Variants in SHLD2 observed in about 807,000 individuals in gnomAD.
SHLD2 encodes the protein shieldin complex subunit 2.
Under a neutral mutation model 73.2 loss-of-function variants are expected in SHLD2, and 30 were observed. The observed-to-expected ratio is 0.41, with a 90% confidence interval of 0.31 to 0.56. The LOEUF (loss-of-function observed/expected upper bound fraction) is 0.56. SHLD2 is among the 20% of genes least tolerant of loss of function. The pLI is 0.28. For synonymous variants in SHLD2, 285 were observed against 370.1 expected (o/e 0.77, Z 2.64); for missense variants, 745 against 1,055.9 (o/e 0.71, Z 4.08).
intron 2 of SHLD2, among the ~76,000 whole-genome samples, chr10:87,136,480 G>A (rs1456158803): frequency 6.6e-6 from 1 of 151,294 alleles, no homozygotes; most frequent in Non-Finnish European, 1.5e-5. Flanking sequence ...TGCTACTGGG[G>A]TGTTGTTGCT....
At chr10:87,112,836 A>G (rs1157422139) in intron 2 of SHLD2, among the ~76,000 whole-genome samples, 3 of 152,154 alleles carry the variant, frequency 2.0e-5, no homozygotes, top group Admixed American at 6.5e-5. Flanking sequence ...ACTATGGGAA[A>G]CAGTCTGGCA....
At chr10:87,094,527 C>T (rs1841664526), upstream of SHLD2, 4 of 1,612,898 alleles carry the variant, frequency 2.5e-6, no homozygotes, top group Non-Finnish European at 3.4e-6. This position sits in a 1 kb window ranked among gnomAD's most constrained non-coding sequence, Gnocchi z 6.6. Context: ...GCTTGTCCTC[C>T]ACGATGCTGG....
chr10:87,096,763 T>C (rs2133901509), intron 1 of SHLD2, among the ~76,000 whole-genome samples, 171 bp from the exon 2 acceptor site: 1 of 152,318 alleles, frequency 6.6e-6, no homozygotes, highest in East Asian at 1.9e-4. Flanking sequence ...AAGTTCTTAG[T>C]TCTCGAAATA....
At chr10:87,190,101 C>T (rs1848952057) in intron 9 of SHLD2, among the ~76,000 whole-genome samples, 1 of 152,194 alleles carries the variant, frequency 6.6e-6, no homozygotes. Context: ...CTCTGTTGCC[C>T]AGGCTGGAGT....
chr10:87,096,405 T>C (rs1396405018), intron 1 of SHLD2, among the ~76,000 whole-genome samples: 5 of 152,156 alleles, frequency 3.3e-5, no homozygotes, highest in Non-Finnish European at 1.5e-5. Context: ...TTATACATAC[T>C]TGATAGGAAA....
At chr10:87,180,405 A>G (rs966856216) in intron 8 of SHLD2, 102 bp downstream of exon 8, 1 of 1,443,952 alleles carries the variant, frequency 6.9e-7, no homozygotes, top group African/African-American at 1.4e-5. Flanking sequence ...AACTAGAGCT[A>G]GTCGAAGAGA....
intron 2 of SHLD2, among the ~76,000 whole-genome samples, chr10:87,141,513 C>A (rs1439855360): frequency 1.3e-5 from 2 of 151,922 alleles, no homozygotes; most frequent in Non-Finnish European, 1.5e-5. Context: ...AGCTAATTTT[C>A]ATATTTTTAG....
At chr10:87,165,015 C>T (rs530885824) in intron 4 of SHLD2, among the ~76,000 whole-genome samples, 4 of 152,018 alleles carry the variant, frequency 2.6e-5, no homozygotes, top group East Asian at 3.9e-4. Context: ...GGCAAAACCC[C>T]GTCTCTACAA....
rs375240689 is a variant in SHLD2 at position 87,136,541 on chromosome 10, C to T, written c.-5-14809C>T. On this transcript the variant is annotated intron_variant, in intron 2 of 9. Transcript: ENST00000298786. ...CAGAAAATGTATGTATTTATACTAC[C>T]CTGTATATATCCACATATCTATAAA... Among the ~76,000 whole-genome samples the T allele has an allele frequency of 9.2e-5, 14 of 151,552 alleles. No homozygotes were observed. In the East Asian group the frequency reaches 1.4e-3, roughly 15 times the overall value.
At chr10:87,184,313 C>A (rs1490909591) in intron 8 of SHLD2, among the ~76,000 whole-genome samples, 1 of 152,006 alleles carries the variant, frequency 6.6e-6, no homozygotes, top group East Asian at 1.9e-4. Context: ...CAGTGTATCT[C>A]AGCAGGGGCA....
chr10:87,132,642 T>C (rs1045321165), intron 2 of SHLD2, among the ~76,000 whole-genome samples: 2 of 151,914 alleles, frequency 1.3e-5, no homozygotes, highest in Admixed American at 1.3e-4. Context: ...GGCTTGGTGG[T>C]GCGTGCCTGT....
chr10:87,130,670 G>T (rs1056821174), intron 2 of SHLD2, among the ~76,000 whole-genome samples: 1 of 152,186 alleles, frequency 6.6e-6, no homozygotes, highest in South Asian at 2.1e-4. Flanking sequence ...TTCTGTGGAC[G>T]AAGGTTGGTT....
At position 87,104,067 on chromosome 10, in the gene SHLD2, CTACAAAAA is replaced by C. The variant is rs1470761653; in HGVS notation, c.-6+7088_-6+7095del. On this transcript the variant is annotated intron_variant, in intron 2 of 9. Transcript: ENST00000298786. The stretch of plus-strand genomic sequence containing the variant: ...TGGCCAACATGGTGAAACCCCGTCT[CTACAAAAA>C]TACAAAAATCAGCCGGGCATGATGG... Among the ~76,000 whole-genome samples, 3 of 150,334 alleles carry C rather than the reference CTACAAAAA, an allele frequency of 2.0e-5. No individual in the cohort carries two copies. The Admixed American group carries it at 2.0e-4, about 10-fold the overall frequency.
chr10:87,095,293 A>C (rs1589396548), intron 1 of SHLD2, 45 bp downstream of exon 1: 1 of 111,582 alleles, frequency 9.0e-6, no homozygotes, highest in Non-Finnish European at 1.9e-5. Flanking sequence ...GGGGTAGCCC[A>C]GGGAGGTCGG....
At chr10:87,104,694 T>C (rs1440674785) in intron 2 of SHLD2, among the ~76,000 whole-genome samples, 1 of 151,786 alleles carries the variant, frequency 6.6e-6, no homozygotes, top group Non-Finnish European at 1.5e-5. Context: ...GGAGTCTTGC[T>C]CTGTCGCCCA....
intron 4 of SHLD2, among the ~76,000 whole-genome samples, chr10:87,160,043 A>G (rs887011134): frequency 6.6e-6 from 1 of 152,190 alleles, no homozygotes; most frequent in Non-Finnish European, 1.5e-5. Context: ...TTGCAAAAAT[A>G]ATACATAAAG....
chr10:87,152,834 T>G lies in SHLD2; in HGVS notation c.1480T>G (p.Phe494Val), dbSNP rs749099758. The G allele has an allele frequency of 6.2e-7, 1 of 1,611,824 alleles. No homozygotes were observed. The highest frequency in any genetic ancestry group is 1.1e-5 in the South Asian group (1 of 90,960). The change falls in exon 3 of 10, where the codon TTT (phenylalanine) becomes GTT (valine). Residue 494 changes from phenylalanine to valine, a missense_variant. Transcript: ENST00000298786. ...KKVFLWRTAA[F>V]WAFTVFLGDI... ...GGTTTTTCTGTGGAGGACTGCAGCA[T>G]TTTGGGCATTTACAGTGTTTCTTGG...
rs1848672932 is a variant in SHLD2, at chr10:87,187,177, C to T, written c.2492C>T (p.Ala831Val). Residue 831 changes from alanine to valine, a missense_variant, in exon 9 of 10, where the codon GCA (alanine) becomes GTA (valine). Ala to Val is a moderately conservative substitution (Grantham distance 64). This residue lies in a region of SHLD2 where 418 missense variants were observed against 567.8 expected (regional missense o/e 0.74). Coordinates refer to ENST00000298786, the MANE Select transcript of SHLD2 (RefSeq NM_001330112.2). ...GAGAAGATTCTTCTCAACATTTCTG[C>T]AGACTGCCTCAACAGAGTGATAGGT... ...LIEKILLNIS[A>V]DCLNRVIVPS... 1.2e-6 allele frequency: 2 copies of T among 1,606,658 alleles called. No individual in the cohort carries two copies. The highest frequency in any genetic ancestry group is 2.7e-5 in the African/African-American group (2 of 74,900).
chr10:87,157,890 T>C (rs1246062496), intron 3 of SHLD2, among the ~76,000 whole-genome samples, 158 bp from the exon 4 acceptor site: 3 of 152,254 alleles, frequency 2.0e-5, no homozygotes, highest in African/African-American at 7.2e-5. Context: ...TTAGATTTGC[T>C]GTTTTCTTAT....
Sources: gnomAD v4.1 joint callset for allele counts (sites outside exome capture counted in the v4.1 genomes callset) on GRCh38, gnomAD v4.1.1 for gene constraint, gnomAD v4.1.1 regional missense constraint, Gnocchi (gnomAD v3.1) non-coding constraint, MANE v1.5 for transcripts, NCBI Gene and HGNC (gene_info 2026-07-23, HGNC 2026-07-21) for gene names.